AXDND1: variants seen among roughly 807,000 people sequenced by gnomAD.
The protein encoded by AXDND1 is axonemal dynein light chain domain-containing protein 1.
In AXDND1, 110 loss-of-function variants were observed where a neutral mutation model predicts 137.5. The ratio of observed to expected loss-of-function variants is 0.80; its 90% CI spans 0.69 to 0.94. AXDND1 has a LOEUF of 0.94. AXDND1 is among the 40% of genes least tolerant of loss of function. AXDND1 has a pLI of 0.00. For synonymous variants in AXDND1, 414 were observed against 399.7 expected (o/e 1.04, Z -0.43); for missense variants, 1,191 against 1,169.8 (o/e 1.02, Z -0.26).
chr1:179,429,757 C>A, intron 13 of AXDND1, 138 bp downstream of exon 13: 1 of 440,770 alleles, frequency 2.3e-6, no homozygotes, highest in Non-Finnish European at 3.8e-6. Context: ...AATGAAAAAT[C>A]TATGGGAAGG....
rs1668167441 is a variant in AXDND1, at chr1:179,503,002, G to A, written c.2389-6294G>A. ...CCCAGCTACTCAGGAGGCTGAGGCA[G>A]GAGAATCACTTGAACCCGGGAGGCG... is the stretch of plus-strand genomic sequence containing the variant. On this transcript the variant is annotated intron_variant, in intron 20 of 25. Coordinates refer to ENST00000367618, the MANE Select transcript of AXDND1 (RefSeq NM_144696.6). 2.0e-5 allele frequency among the ~76,000 whole-genome samples: 3 copies of A among 152,040 alleles called. No individual in the cohort carries two copies. The South Asian group carries it at 6.2e-4, about 32-fold the overall frequency.
Position 179,379,581 on chromosome 1 carries a change from G to A in AXDND1, c.581+99G>A, listed in dbSNP as rs1041573222. The A allele has an allele frequency of 4.8e-6, 7 of 1,472,454 alleles. No homozygotes were observed. In the African/African-American group the frequency reaches 8.6e-5, roughly 18 times the overall value. The allele number at this position is 1,472,454 out of a possible 1,614,324, so 91.2% of individuals were successfully genotyped here. A position where few individuals can be genotyped will look rare whatever the true frequency, so the allele number is the denominator to read the frequency against. On this transcript the variant is annotated intron_variant, in intron 6 of 25. Coordinates refer to ENST00000367618, the MANE Select transcript of AXDND1 (RefSeq NM_144696.6). Reference sequence around the variant, plus strand: ...GGCCAAGGCGGGTGGATCATCTGAGGTCAGGAGTTCAAGACCAGCCTGGTC... The same window carrying A: ...GGCCAAGGCGGGTGGATCATCTGAGATCAGGAGTTCAAGACCAGCCTGGTC...
chr1:179,395,469 G>T (rs1650907292), intron 11 of AXDND1, among the ~76,000 whole-genome samples: 1 of 152,098 alleles, frequency 6.6e-6, no homozygotes, highest in Non-Finnish European at 1.5e-5. Context: ...TTTTCTAAAA[G>T]AAAGGGTAAA....
At chr1:179,525,522 GGTCCTGCCCTGTCACCCAGGTTGGAGT>G (rs1343621701) in intron 22 of AXDND1, 75 bp downstream of exon 22, 1 of 1,448,452 alleles carries the variant, frequency 6.9e-7, no homozygotes, top group East Asian at 2.6e-5. Context: ...TTAGAGACAG[GGTCCTGCCCTGTCACCCAGGTTGGAGT>G]GCTGTGGTAT....
At chr1:179,504,918 T>C (rs1928004) in intron 20 of AXDND1, among the ~76,000 whole-genome samples, 133,691 of 152,240 alleles carry the variant, frequency 0.88, 58,882 homozygotes, top group East Asian at 0.96. Flanking sequence ...GCATATGCCT[T>C]TTCCCTAAGC....
chr1:179,377,059 G>A (rs1419419743), intron 4 of AXDND1, among the ~76,000 whole-genome samples: 1 of 152,020 alleles, frequency 6.6e-6, no homozygotes, highest in Non-Finnish European at 1.5e-5. Context: ...AGCCTCCCAA[G>A]CAGCTGGGAC....
intron 11 of AXDND1, among the ~76,000 whole-genome samples, chr1:179,401,676 G>A (rs1180424170): frequency 3.9e-5 from 6 of 152,034 alleles, no homozygotes; most frequent in African/African-American, 1.4e-4. Flanking sequence ...TTGAATCGTG[G>A]GGGTGGTTTC....
chr1:179,529,595 AG>A (rs1449211621), intron 23 of AXDND1, among the ~76,000 whole-genome samples: 1 of 152,216 alleles, frequency 6.6e-6, no homozygotes, highest in African/African-American at 2.4e-5. Flanking sequence ...GAGAAAAGGA[AG>A]AAGCTTGGCT....
intron 15 of AXDND1, among the ~76,000 whole-genome samples, chr1:179,444,739 G>A (rs1040225039): frequency 2.7e-5 from 4 of 149,402 alleles, no homozygotes; most frequent in African/African-American, 9.9e-5. Context: ...TTAATATAAT[G>A]ATTTTCATCC....
At chr1:179,409,617 A>G (rs112399274) in intron 11 of AXDND1, among the ~76,000 whole-genome samples, 1 of 152,178 alleles carries the variant, frequency 6.6e-6, no homozygotes, top group East Asian at 1.9e-4. Context: ...ACGGTGGCTC[A>G]TGCCTGTAAT....
At chr1:179,444,851 A>G (rs1659499529) in intron 15 of AXDND1, 119 bp from the exon 16 acceptor site, 2 of 608,588 alleles carry the variant, frequency 3.3e-6, no homozygotes, top group Admixed American at 3.2e-5. Flanking sequence ...GGAGCATAAT[A>G]ATAATAGGAT....
At chr1:179,432,670 C>T (rs1302265556) in intron 15 of AXDND1, among the ~76,000 whole-genome samples, 1 of 152,168 alleles carries the variant, frequency 6.6e-6, no homozygotes, top group Non-Finnish European at 1.5e-5. Flanking sequence ...AAGTGATCCA[C>T]CCACCTCGGC....
At chr1:179,436,196 G>C (rs1011413621) in intron 15 of AXDND1, among the ~76,000 whole-genome samples, 2 of 152,196 alleles carry the variant, frequency 1.3e-5, no homozygotes, top group African/African-American at 4.8e-5. Flanking sequence ...AGAACCAATA[G>C]ATGCTGGTGA....
chr1:179,449,176 G>T (rs773858003), intron 16 of AXDND1: 3 of 450,444 alleles, frequency 6.7e-6, no homozygotes, highest in Admixed American at 2.4e-5. Flanking sequence ...ATAATCCACC[G>T]CACCTGGCCT....
At position 179,456,969 on chromosome 1, in the gene AXDND1, C is replaced by G. The variant is rs1661496698; in HGVS notation, c.1799-11474C>G. 3 of 1,553,480 alleles carry G rather than the reference C, an allele frequency of 1.9e-6. No homozygotes were observed. The East Asian group carries it at 6.7e-5, about 35-fold the overall frequency. ...TTTTTTCCATACTGTTCAAAATAAT[C>G]TCTTAGGTGATGTTCTTCAGTGTCT... On this transcript the variant is annotated intron_variant, in intron 16 of 25. Transcript: ENST00000367618.
At chr1:179,512,477 A>G (rs1669147104) in intron 21 of AXDND1, among the ~76,000 whole-genome samples, 1 of 152,132 alleles carries the variant, frequency 6.6e-6, no homozygotes, top group Non-Finnish European at 1.5e-5. Context: ...CTTATAGTAT[A>G]GTTTGAAATC....
chr1:179,398,834 C>G (rs1173982275), intron 11 of AXDND1, among the ~76,000 whole-genome samples: 1 of 145,062 alleles, frequency 6.9e-6, no homozygotes, highest in Non-Finnish European at 1.5e-5. Flanking sequence ...CCCACCAAGG[C>G]TGTCACTGTA....
At chr1:179,494,894 G>C (rs1392552064) in intron 20 of AXDND1, among the ~76,000 whole-genome samples, 1 of 152,028 alleles carries the variant, frequency 6.6e-6, no homozygotes. Context: ...TATGGTGCTG[G>C]GGTTGGATTC....
intron 21 of AXDND1, among the ~76,000 whole-genome samples, chr1:179,516,255 C>G (rs1669527876): frequency 6.6e-6 from 1 of 152,098 alleles, no homozygotes; most frequent in South Asian, 2.1e-4. Flanking sequence ...CTGAGACTTT[C>G]CAGAGCATTT....
Sources: gnomAD v4.1 joint callset for allele counts (sites outside exome capture counted in the v4.1 genomes callset) on GRCh38, gnomAD v4.1.1 for gene constraint, MANE v1.5 for transcripts, NCBI Gene and HGNC (gene_info 2026-07-23, HGNC 2026-07-21) for gene names.